Variants in ANKRD26 observed in about 807,000 individuals in gnomAD.
ANKRD26 encodes ankyrin repeat domain-containing protein 26.
A neutral mutation model predicts 208.7 loss-of-function variants in ANKRD26; 141 were observed. That is an observed-to-expected ratio of 0.68 (90% CI 0.59 to 0.78). The LOEUF (loss-of-function observed/expected upper bound fraction) is 0.78. Among genes scored for constraint, ANKRD26 ranks in the 30% least tolerant of loss-of-function variants. ANKRD26 has a pLI of 0.00. For synonymous variants in ANKRD26, 636 were observed against 660.4 expected (o/e 0.96, Z 0.57); for missense variants, 1,889 against 1,938.7 (o/e 0.97, Z 0.48).
At chr10:27,097,299 C>T (rs2056499147) in intron 1 of ANKRD26, among the ~76,000 whole-genome samples, 2 of 147,648 alleles carry the variant, frequency 1.4e-5, no homozygotes, top group African/African-American at 5.0e-5. Context: ...CACAGTGAAA[C>T]CCTGTCTCTA....
intron 8 of ANKRD26, 42 bp downstream of exon 8, chr10:27,077,591 T>A: frequency 6.2e-7 from 1 of 1,611,014 alleles, no homozygotes; most frequent in South Asian, 1.1e-5. Context: ...TAATTAAGAA[T>A]CAGTGAATAA....
intron 27 of ANKRD26, among the ~76,000 whole-genome samples, chr10:27,028,440 C>T (rs924929887): frequency 6.6e-6 from 1 of 151,264 alleles, no homozygotes; most frequent in Non-Finnish European, 1.5e-5. Context: ...ACTAAAAATA[C>T]AAAAAAATTA....
At chr10:27,100,012 TC>T in intron 1 of ANKRD26, 72 bp downstream of exon 1, 3 of 1,604,718 alleles carry the variant, frequency 1.9e-6, no homozygotes, top group Non-Finnish European at 2.5e-6. Context: ...CCTGGGTGGC[TC>T]CCACAAAAGG....
At chr10:27,018,169 C>G (rs1464953974) in intron 29 of ANKRD26, among the ~76,000 whole-genome samples, 1 of 124,140 alleles carries the variant, frequency 8.1e-6, no homozygotes, top group Admixed American at 8.4e-5. Flanking sequence ...TAGTCTTGCT[C>G]TGTCGCCCAG....
chr10:27,006,821 G>T, intron 33 of ANKRD26, 96 bp downstream of exon 33: 2 of 949,728 alleles, frequency 2.1e-6, no homozygotes, highest in Non-Finnish European at 3.4e-6. Flanking sequence ...GTATCTATTA[G>T]CCAAACAATG....
intron 16 of ANKRD26, chr10:27,050,956 G>T: frequency 1.3e-6 from 1 of 787,516 alleles, no homozygotes; most frequent in Non-Finnish European, 1.7e-6. Context: ...TACATATTTA[G>T]GTAACACCAT....
At position 27,093,765 on chromosome 10, in the gene ANKRD26, G is replaced by GA; in HGVS notation, c.276dup (p.Pro93SerfsTer18). The GA allele has an allele frequency of 6.2e-7, 1 of 1,614,226 alleles. No individual in the cohort carries two copies. Among genetic ancestry groups the GA allele is most frequent in the Non-Finnish European group, 8.5e-7 (1 of 1,180,048 alleles). On this transcript the variant is annotated frameshift_variant, in exon 2 of 34. Coordinates refer to ENST00000376087, the MANE Select transcript of ANKRD26 (RefSeq NM_014915.3). LOFTEE classifies it high-confidence loss of function. ...TCCACCAGGAGAGTTACTACTTCTG[G>GA]ATGACCATTGGCACAGGCCAAATGT...
chr10:27,048,866 T>C lies in ANKRD26; in HGVS notation c.1749A>G (p.Gln583=). 1.2e-6 allele frequency: 2 copies of C among 1,613,370 alleles called. No individual in the cohort carries two copies. Among genetic ancestry groups the C allele is most frequent in the Non-Finnish European group, 1.7e-6 (2 of 1,179,742 alleles). ...EDDDDDDGLI[Q]KRKSGETDHQ... ...GATCAGTTTCTCCACTCTTTCTTTT[T>C]TGAATTAATCCATCATCATCATCAT... Residue 583 remains glutamine (Q), a synonymous_variant, in exon 17 of 34, where the codon CAA becomes CAG. Coordinates refer to ENST00000376087, the MANE Select transcript of ANKRD26 (RefSeq NM_014915.3).
chr10:27,051,576 G>A (rs773059173), intron 16 of ANKRD26: 35 of 984,942 alleles, frequency 3.6e-5, no homozygotes, highest in Non-Finnish European at 4.0e-5. Flanking sequence ...AACATGTTCA[G>A]TGTCTGGTTT....
At chr10:27,007,032 C>G in intron 32 of ANKRD26, 70 bp from the exon 33 acceptor site, 1 of 1,194,268 alleles carries the variant, frequency 8.4e-7, no homozygotes. Flanking sequence ...AATGATGTAT[C>G]ACTTACAAAA....
intron 12 of ANKRD26, among the ~76,000 whole-genome samples, chr10:27,062,418 C>T (rs1195918534): frequency 1.3e-5 from 2 of 152,214 alleles, no homozygotes; most frequent in African/African-American, 4.8e-5. Context: ...CCAGAAGCAT[C>T]AGCATTATGT....
chr10:27,048,552 CAG>C (rs2054538996), intron 17 of ANKRD26, among the ~76,000 whole-genome samples: 1 of 152,100 alleles, frequency 6.6e-6, no homozygotes, highest in African/African-American at 2.4e-5. Context: ...CATTTACCAA[CAG>C]TGTATGAGAA....
intron 20 of ANKRD26, among the ~76,000 whole-genome samples, chr10:27,040,697 G>C (rs992496447): frequency 6.6e-6 from 1 of 152,088 alleles, no homozygotes; most frequent in Admixed American, 6.6e-5. Context: ...CAAGAGAGTG[G>C]ACTCAGGCAA....
At chr10:26,968,562 C>T in the ANKRD26 span, among the ~76,000 whole-genome samples, 1 of 152,198 alleles carries the variant, frequency 6.6e-6, no homozygotes, top group African/African-American at 2.4e-5. Flanking sequence ...CACACATGAA[C>T]CACATAAGCC....
Position 27,013,021 on chromosome 10 carries a change from G to A in ANKRD26, c.4814C>T (p.Pro1605Leu). 2 of 1,614,024 alleles carry A rather than the reference G, an allele frequency of 1.2e-6. No individual in the cohort carries two copies. The highest frequency in any genetic ancestry group is 1.7e-6 in the Non-Finnish European group (2 of 1,179,954). Residue 1605 changes from proline to leucine, a missense_variant, in exon 32 of 34, where the codon CCA becomes CTA. Pro to Leu is a moderately conservative substitution (Grantham distance 98). This residue lies in a region of ANKRD26 where 613 missense variants were observed against 648.2 expected (regional missense o/e 0.95). Transcript: ENST00000376087. ...TCCCACACAAGGTGGCTCCATGACT[G>A]GCCTGGTAGTGAGAGTGGTGAACAA... is the stretch of plus-strand genomic sequence containing the variant. ...RSLFTTLTTR[P>L]VMEPPCVGNL...
intron 31 of ANKRD26, 50 bp downstream of exon 31, chr10:27,014,444 G>C: frequency 7.5e-7 from 1 of 1,341,986 alleles, no homozygotes; most frequent in Non-Finnish European, 1.0e-6. Flanking sequence ...TGCTTTCAAG[G>C]CAAATTAATG....
intron 5 of ANKRD26, among the ~76,000 whole-genome samples, chr10:26,978,350 G>A (rs1188100482): frequency 6.6e-6 from 1 of 152,090 alleles, no homozygotes; most frequent in African/African-American, 2.4e-5. Context: ...CAGCTACTGG[G>A]GAGGCTGAGC....
chr10:26,953,223 G>A, the ANKRD26 span, among the ~76,000 whole-genome samples: 2 of 152,064 alleles, frequency 1.3e-5, no homozygotes, highest in East Asian at 1.9e-4. Flanking sequence ...CCGGGATATC[G>A]AGACCAGCCT....
chr10:26,995,857 G>A (rs12415390), intron 4 of ANKRD26, among the ~76,000 whole-genome samples: 3,182 of 152,248 alleles, frequency 0.021, 171 homozygotes, highest in East Asian at 0.17. Context: ...CGTATTGGAT[G>A]AGCACTGAGT....
Sources: gnomAD v4.1 joint callset for allele counts (sites outside exome capture counted in the v4.1 genomes callset) on GRCh38, gnomAD v4.1.1 for gene constraint, gnomAD v4.1.1 regional missense constraint, MANE v1.5 for transcripts, NCBI Gene and HGNC (gene_info 2026-07-23, HGNC 2026-07-21) for gene names.